Variants in KLHL29 observed in about 807,000 individuals in gnomAD.
The protein encoded by KLHL29 is kelch-like protein 29.
Under a neutral mutation model 80.4 loss-of-function variants are expected in KLHL29, and 21 were observed. The ratio of observed to expected loss-of-function variants is 0.26; its 90% confidence interval spans 0.19 to 0.38. The LOEUF is 0.38. KLHL29 is among the 10% of genes least tolerant of loss of function. The pLI is 1.00. For missense variants in KLHL29, 867 were observed against 1,223.9 expected (o/e 0.71, Z 4.35); for synonymous variants, 511 against 526.8 (o/e 0.97, Z 0.41).
At chr2:23,443,195 A>G (rs1003246683) in intron 1 of KLHL29, among the ~76,000 whole-genome samples, 8 of 152,218 alleles carry the variant, frequency 5.3e-5, no homozygotes, top group Non-Finnish European at 8.8e-5. Flanking sequence ...TTATATGTGC[A>G]TGCATATCTA....
At chr2:23,553,660 G>C (rs905023041) in intron 2 of KLHL29, among the ~76,000 whole-genome samples, 7 of 152,346 alleles carry the variant, frequency 4.6e-5, no homozygotes, top group Non-Finnish European at 7.3e-5. Context: ...TATAAATGCA[G>C]ACGGACCTTG....
At chr2:23,430,372 C>T (rs1229407431) in intron 1 of KLHL29, among the ~76,000 whole-genome samples, 6 of 152,218 alleles carry the variant, frequency 3.9e-5, no homozygotes, top group African/African-American at 1.4e-4. Context: ...GAAAGAATTC[C>T]ACTGTGTTAC....
intron 2 of KLHL29, among the ~76,000 whole-genome samples, chr2:23,498,923 A>G (rs967581399): frequency 6.6e-6 from 1 of 152,190 alleles, no homozygotes; most frequent in African/African-American, 2.4e-5. Context: ...GACAGAGCCT[A>G]CGGAGCTCTC....
intron 1 of KLHL29, among the ~76,000 whole-genome samples, chr2:23,422,059 CTGTG>C (rs542257221): frequency 3.3e-5 from 5 of 150,630 alleles, no homozygotes; most frequent in Non-Finnish European, 5.9e-5. Context: ...TTGTGTGTCT[CTGTG>C]TGTGTCAGTG....
At chr2:23,627,417 G>A (rs1007745230) in intron 3 of KLHL29, among the ~76,000 whole-genome samples, 4 of 152,208 alleles carry the variant, frequency 2.6e-5, no homozygotes, top group Non-Finnish European at 4.4e-5. Context: ...TGAGGCCCTC[G>A]CTGAGCCTTC....
At chr2:23,598,352 A>G (rs1668480589) in intron 3 of KLHL29, among the ~76,000 whole-genome samples, 1 of 152,246 alleles carries the variant, frequency 6.6e-6, no homozygotes, top group African/African-American at 2.4e-5. Flanking sequence ...CACTGACTTC[A>G]GGACAGAGTG....
intron 2 of KLHL29, among the ~76,000 whole-genome samples, chr2:23,515,552 C>T (rs75393654): frequency 1.4e-3 from 218 of 152,286 alleles, no homozygotes; most frequent in African/African-American, 5.0e-3. Flanking sequence ...TGTGTAGTAA[C>T]TCTTGTCACA....
chr2:23,574,093 T>C (rs890047288), intron 3 of KLHL29, among the ~76,000 whole-genome samples: 1 of 151,990 alleles, frequency 6.6e-6, no homozygotes, highest in Non-Finnish European at 1.5e-5. Flanking sequence ...ATTGGCAGGA[T>C]GTTTGTGTAT....
At chr2:23,388,918 A>G (rs1299301890) in intron 1 of KLHL29, among the ~76,000 whole-genome samples, 1 of 151,058 alleles carries the variant, frequency 6.6e-6, no homozygotes, top group Non-Finnish European at 1.5e-5. Flanking sequence ...AATTCAGTCC[A>G]GCAGAACTAA....
At chr2:23,434,038 C>T (rs1053423658) in intron 1 of KLHL29, among the ~76,000 whole-genome samples, 3 of 152,036 alleles carry the variant, frequency 2.0e-5, no homozygotes, top group South Asian at 2.1e-4. Context: ...AAGCTAGGCT[C>T]CGGCCGGGCG....
chr2:23,540,172 G>C (rs761744274), intron 2 of KLHL29, among the ~76,000 whole-genome samples: 1 of 151,796 alleles, frequency 6.6e-6, no homozygotes, highest in Non-Finnish European at 1.5e-5. Flanking sequence ...CTGCAATCCC[G>C]CCCCCTGGTA....
chr2:23,441,248 A>G (rs1663509362), intron 1 of KLHL29, among the ~76,000 whole-genome samples: 1 of 146,946 alleles, frequency 6.8e-6, no homozygotes, highest in African/African-American at 2.5e-5. Context: ...CAAACACCGC[A>G]TGTTCTCACT....
intron 3 of KLHL29, among the ~76,000 whole-genome samples, chr2:23,576,173 CTG>C (rs1667837413): frequency 6.6e-6 from 1 of 152,070 alleles, no homozygotes; most frequent in Non-Finnish European, 1.5e-5. Flanking sequence ...GGCGTGGTGG[CTG>C]GCACCTGTAA....
intron 1 of KLHL29, among the ~76,000 whole-genome samples, chr2:23,470,259 T>C (rs902899309): frequency 2.0e-5 from 3 of 152,168 alleles, no homozygotes; most frequent in Non-Finnish European, 4.4e-5. Context: ...TGTGTCCTTA[T>C]TGTGATAGTC....
chr2:23,495,231 T>C (rs866215823), intron 2 of KLHL29, among the ~76,000 whole-genome samples: 3 of 152,074 alleles, frequency 2.0e-5, no homozygotes, highest in Non-Finnish European at 4.4e-5. Context: ...TGTGAGGGCC[T>C]GCAGGAGGTG....
chr2:23,614,011 TGGA>T (rs1668939583), intron 3 of KLHL29, among the ~76,000 whole-genome samples: 3 of 152,158 alleles, frequency 2.0e-5, no homozygotes, highest in Non-Finnish European at 4.4e-5. Flanking sequence ...AATTTCCTTG[TGGA>T]CAAAGGACAG....
intron 3 of KLHL29, among the ~76,000 whole-genome samples, chr2:23,585,321 A>G (rs1668091774): frequency 6.6e-6 from 1 of 152,238 alleles, no homozygotes; most frequent in East Asian, 1.9e-4. Flanking sequence ...TCTAGCGGTG[A>G]TAGCTGCAGC....
At chr2:23,414,844 C>T (rs573530742) in intron 1 of KLHL29, among the ~76,000 whole-genome samples, 1 of 152,328 alleles carries the variant, frequency 6.6e-6, no homozygotes, top group East Asian at 1.9e-4. Flanking sequence ...AAGTGCTGTC[C>T]TTATTCTGAG....
intron 5 of KLHL29, among the ~76,000 whole-genome samples, chr2:23,664,086 C>T (rs1670491931): frequency 6.6e-6 from 1 of 152,144 alleles, no homozygotes; most frequent in African/African-American, 2.4e-5. Flanking sequence ...TTTTTATGCC[C>T]ATAATAAAAC....
Sources: gnomAD v4.1 joint callset for allele counts (sites outside exome capture counted in the v4.1 genomes callset) on GRCh38, gnomAD v4.1.1 for gene constraint, MANE v1.5 for transcripts, NCBI Gene and HGNC (gene_info 2026-07-23, HGNC 2026-07-21) for gene names.